The following TNFRSF21 variants were observed in gnomAD, a reference collection of about 807,000 sequenced individuals.
The protein encoded by TNFRSF21 is tumor necrosis factor receptor superfamily member 21.
TNFRSF21 carries 19 observed loss-of-function variants against 45.6 expected under a neutral mutation model. The ratio of observed to expected loss-of-function variants is 0.42; its 90% CI spans 0.29 to 0.61. The LOEUF (loss-of-function observed/expected upper bound fraction) is 0.61, where lower values mean the gene tolerates loss of function less well. Among genes scored for constraint, TNFRSF21 ranks in the 20% least tolerant of loss-of-function variants. The probability of loss-of-function intolerance (pLI) is 0.23; values close to 1 mark genes in which losing one functional copy is unlikely to be tolerated. For synonymous variants in TNFRSF21, 314 were observed against 335.5 expected (o/e 0.94, Z 0.70); for missense variants, 737 against 851.5 (o/e 0.87, Z 1.67).
intron 3 of TNFRSF21, among the ~76,000 whole-genome samples, chr6:47,265,387 GTTTTGTTTTGT>G (rs993036944): frequency 2.2e-5 from 3 of 137,196 alleles, no homozygotes; most frequent in African/African-American, 7.8e-5. Flanking sequence ...GTTTTGTTTT[GTTTTGTTTTGT>G]TTTTTTTAAA....
At chr6:47,290,414 T>C (rs552951459) in intron 1 of TNFRSF21, among the ~76,000 whole-genome samples, 2 of 151,884 alleles carry the variant, frequency 1.3e-5, no homozygotes, top group Non-Finnish European at 2.9e-5. Flanking sequence ...GGGTGTGGAG[T>C]TGGGGTAGGC....
chr6:47,245,446 GTGTGTGTGTGTT>G (rs771771948), intron 4 of TNFRSF21, among the ~76,000 whole-genome samples: 9,601 of 147,608 alleles, frequency 0.065, 420 homozygotes, highest in African/African-American at 0.14. Flanking sequence ...GTGTGTGTGT[GTGTGTGTGTGTT>G]TGTGTGTGTG....
chr6:47,280,866 T>C (rs1316514004), intron 3 of TNFRSF21, among the ~76,000 whole-genome samples: 1 of 152,198 alleles, frequency 6.6e-6, no homozygotes, highest in Non-Finnish European at 1.5e-5. Context: ...AATCTATAAA[T>C]GCAACTACTA....
chr6:47,299,306 C>T (rs970272658), intron 1 of TNFRSF21, among the ~76,000 whole-genome samples: 3 of 151,966 alleles, frequency 2.0e-5, no homozygotes, highest in Admixed American at 6.5e-5. Context: ...GCCAACATGG[C>T]CAACATGGTG....
intron 4 of TNFRSF21, among the ~76,000 whole-genome samples, chr6:47,239,271 G>C (rs867839217): frequency 4.2e-4 from 48 of 114,580 alleles, no homozygotes; most frequent in African/African-American, 1.6e-3. Flanking sequence ...GGGCAACAGA[G>C]CAAGACTCCA....
At chr6:47,253,017 T>C (rs1764922402) in intron 4 of TNFRSF21, among the ~76,000 whole-genome samples, 1 of 151,986 alleles carries the variant, frequency 6.6e-6, no homozygotes, top group African/African-American at 2.4e-5. Context: ...GGTCTGCAGG[T>C]AGGGTCTGAG....
chr6:47,238,741 A>T (rs1332148105), intron 4 of TNFRSF21, among the ~76,000 whole-genome samples: 1 of 152,228 alleles, frequency 6.6e-6, no homozygotes, highest in Non-Finnish European at 1.5e-5. Flanking sequence ...ACTGAGTACA[A>T]GGAACCATCC....
At position 47,232,344 on chromosome 6, in the gene TNFRSF21, A is replaced by G. The variant is rs1764595538; in HGVS notation, c.*421T>C. 1.3e-5 allele frequency: 2 copies of G among 159,444 alleles called. No individual in the cohort carries two copies. The highest frequency in any genetic ancestry group is 4.9e-5 in the African/African-American group (2 of 40,640). The allele number at this position is 159,444 out of a possible 1,614,324, so 9.9% of individuals were successfully genotyped here. On this transcript the variant is annotated 3_prime_UTR_variant, in exon 6 of 6. Coordinates refer to ENST00000296861, the MANE Select transcript of TNFRSF21 (RefSeq NM_014452.5). ...CTTATAGGATTCACAAGATGCCATT[A>G]TACTTTTAAGAAGTTAAGAGCCTCA...
chr6:47,261,802 T>A (rs1443924028), intron 3 of TNFRSF21, among the ~76,000 whole-genome samples: 1 of 152,270 alleles, frequency 6.6e-6, no homozygotes, highest in Non-Finnish European at 1.5e-5. Flanking sequence ...CTCTCCAGCC[T>A]AATAACAGAG....
chr6:47,256,333 G>A (rs1764988250), intron 3 of TNFRSF21, among the ~76,000 whole-genome samples: 1 of 152,170 alleles, frequency 6.6e-6, no homozygotes, highest in Admixed American at 6.5e-5. Flanking sequence ...AGACCAGCCT[G>A]GGCAACATGG....
At chr6:47,304,294 CA>C (rs5876021) in intron 1 of TNFRSF21, among the ~76,000 whole-genome samples, 76,006 of 142,246 alleles carry the variant, frequency 0.53, 19,422 homozygotes, top group East Asian at 0.68. Flanking sequence ...AAAAAAAAAC[CA>C]AAAAAAAAAA....
At chr6:47,253,164 T>C (rs1005795872) in intron 4 of TNFRSF21, 92 bp downstream of exon 4, 5 of 1,455,582 alleles carry the variant, frequency 3.4e-6, no homozygotes, top group Admixed American at 2.1e-5. Context: ...CCACCGAATA[T>C]GTTATTTTTC....
chr6:47,261,288 T>A (rs1373687407), intron 3 of TNFRSF21, among the ~76,000 whole-genome samples: 2 of 152,248 alleles, frequency 1.3e-5, no homozygotes, highest in African/African-American at 4.8e-5. Flanking sequence ...CATACAATGG[T>A]CTTGTCCTCC....
At chr6:47,268,917 G>T (rs936873789) in intron 3 of TNFRSF21, among the ~76,000 whole-genome samples, 2 of 152,120 alleles carry the variant, frequency 1.3e-5, no homozygotes, top group Non-Finnish European at 2.9e-5. Flanking sequence ...GCAATCGCCT[G>T]TGTGTTTTCT....
chr6:47,284,655 CA>C (rs1762621608), intron 2 of TNFRSF21, among the ~76,000 whole-genome samples: 1 of 152,130 alleles, frequency 6.6e-6, no homozygotes, highest in African/African-American at 2.4e-5. Context: ...ATTCTTACAC[CA>C]AAACCAAGGG....
chr6:47,286,557 C>T lies in TNFRSF21; in HGVS notation c.135G>A (p.Gln45=), dbSNP rs771972966. ...ATGTGCCAATGAGATTCGAGGCCTT[C>T]TGTTCTGGCTGAGCTGTGGTGGTGC... is the stretch of plus-strand genomic sequence containing the variant. ...FLSTTTAQPE[Q]KASNLIGTYR... Residue 45 remains glutamine, a synonymous_variant, in exon 2 of 6, where the codon CAG becomes CAA. Coordinates refer to ENST00000296861, the MANE Select transcript of TNFRSF21 (RefSeq NM_014452.5). 4.3e-6 allele frequency: 7 copies of T among 1,610,584 alleles called. No individual in the cohort carries two copies. The highest frequency in any genetic ancestry group is 5.1e-6 in the Non-Finnish European group (6 of 1,177,076).
At chr6:47,274,772 G>T (rs1762473306) in intron 3 of TNFRSF21, among the ~76,000 whole-genome samples, 4 of 152,038 alleles carry the variant, frequency 2.6e-5, no homozygotes, top group Non-Finnish European at 4.4e-5. Flanking sequence ...AATCTACAAA[G>T]AACTGAAACA....
intron 4 of TNFRSF21, among the ~76,000 whole-genome samples, chr6:47,249,319 C>G (rs1332164395): frequency 6.6e-6 from 1 of 152,170 alleles, no homozygotes; most frequent in Non-Finnish European, 1.5e-5. Context: ...AAATCACATC[C>G]TCTCGTTTGC....
chr6:47,248,215 A>G (rs1332536196), intron 4 of TNFRSF21, among the ~76,000 whole-genome samples: 1 of 152,208 alleles, frequency 6.6e-6, no homozygotes, highest in African/African-American at 2.4e-5. Flanking sequence ...TTCTGAACCT[A>G]GCTGCAAAGC....
Sources: allele counts gnomAD v4.1 joint callset (sites outside exome capture counted in the v4.1 genomes callset), GRCh38; gene constraint gnomAD v4.1.1; transcripts MANE v1.5; gene names NCBI Gene and HGNC (gene_info 2026-07-23, HGNC 2026-07-21).